GRIP1: variants seen among roughly 807,000 people sequenced by gnomAD.
GRIP1 encodes glutamate receptor-interacting protein 1.
Under a neutral mutation model 129.9 loss-of-function variants are expected in GRIP1, and 45 were observed. The observed-to-expected ratio is 0.35, with a 90% CI of 0.27 to 0.44. The LOEUF (loss-of-function observed/expected upper bound fraction) is 0.44. Among genes scored for constraint, GRIP1 ranks in the 20% least tolerant of loss-of-function variants. GRIP1 has a pLI of 1.00. For synonymous variants in GRIP1, 530 were observed against 520.8 expected, an observed-to-expected ratio of 1.02 and a Z score of -0.24; for missense variants, 1,196 against 1,396.8, an observed-to-expected ratio of 0.86 and a Z score of 2.29.
At chr12:66,905,675 A>G (rs1387053291) in intron 1 of GRIP1, among the ~76,000 whole-genome samples, 1 of 152,220 alleles carries the variant, frequency 6.6e-6, no homozygotes, top group Non-Finnish European at 1.5e-5. Context: ...TTGAATTTTC[A>G]GCTGATTAGA....
chr12:66,917,669 T>A (rs1034553952), intron 1 of GRIP1, among the ~76,000 whole-genome samples: 1 of 152,220 alleles, frequency 6.6e-6, no homozygotes, highest in Non-Finnish European at 1.5e-5. Flanking sequence ...TTTACTGCAT[T>A]AATTTCAATC....
At chr12:67,050,029 G>A (rs2043317296) in intron 1 of GRIP1, among the ~76,000 whole-genome samples, 1 of 144,234 alleles carries the variant, frequency 6.9e-6, no homozygotes, top group South Asian at 2.2e-4. Context: ...TTCCTGGGGT[G>A]ATTTTTTCAT....
intron 1 of GRIP1, among the ~76,000 whole-genome samples, chr12:66,839,819 C>A (rs566926872): frequency 2.0e-5 from 3 of 152,338 alleles, no homozygotes; most frequent in Admixed American, 1.3e-4. Context: ...CTGTGCAAGG[C>A]ACTCTGCTAA....
intron 1 of GRIP1, among the ~76,000 whole-genome samples, chr12:66,760,995 A>G (rs932094968): frequency 1.8e-4 from 27 of 152,218 alleles, no homozygotes; most frequent in African/African-American, 6.3e-4. Flanking sequence ...ACAGCATAGC[A>G]TGTCACCACA....
intron 23 of GRIP1, among the ~76,000 whole-genome samples, chr12:66,356,768 C>T (rs1311244622): frequency 2.6e-5 from 4 of 152,192 alleles, no homozygotes; most frequent in Non-Finnish European, 4.4e-5. Context: ...TCATAAACTC[C>T]ACATCATTAA....
chr12:66,751,117 T>C (rs146015074), intron 1 of GRIP1, among the ~76,000 whole-genome samples: 1 of 152,316 alleles, frequency 6.6e-6, no homozygotes, highest in East Asian at 1.9e-4. Context: ...GAAAGAATTG[T>C]AAATGCAGCT....
At chr12:66,810,741 ATACT>A (rs761894033) in intron 1 of GRIP1, among the ~76,000 whole-genome samples, 28 of 152,324 alleles carry the variant, frequency 1.8e-4, no homozygotes, top group Non-Finnish European at 3.4e-4. Flanking sequence ...ACAGAAAAAA[ATACT>A]TACTATGTTT....
At chr12:66,812,513 A>G (rs936935551) in intron 1 of GRIP1, among the ~76,000 whole-genome samples, 1 of 152,210 alleles carries the variant, frequency 6.6e-6, no homozygotes, top group South Asian at 2.1e-4. Flanking sequence ...TGTTCTTCAC[A>G]CACATAATTA....
intron 1 of GRIP1, among the ~76,000 whole-genome samples, chr12:66,923,794 T>G (rs2137371863): frequency 6.6e-6 from 1 of 152,302 alleles, no homozygotes; most frequent in African/African-American, 2.4e-5. Context: ...AATTGTTGTA[T>G]TTATACTCCC....
intron 15 of GRIP1, among the ~76,000 whole-genome samples, chr12:66,407,209 T>C (rs2057223494): frequency 6.6e-6 from 1 of 151,954 alleles, no homozygotes; most frequent in South Asian, 2.1e-4. Context: ...TAAAAATGCA[T>C]GCCCCAGACT....
At chr12:66,976,638 T>C (rs529490655) in intron 1 of GRIP1, among the ~76,000 whole-genome samples, 1 of 152,258 alleles carries the variant, frequency 6.6e-6, no homozygotes, top group South Asian at 2.1e-4. Context: ...TAAAGCAAAA[T>C]CTACACTCCT....
chr12:66,516,334 C>T (rs2060843382), intron 6 of GRIP1, among the ~76,000 whole-genome samples: 2 of 152,108 alleles, frequency 1.3e-5, no homozygotes, highest in African/African-American at 4.8e-5. Context: ...ACCACAGACA[C>T]TCAAGGCATT....
At chr12:66,462,550 CTT>C in intron 9 of GRIP1, among the ~76,000 whole-genome samples, 1 of 152,014 alleles carries the variant, frequency 6.6e-6, no homozygotes, top group Non-Finnish European at 1.5e-5. Flanking sequence ...AGAAAAAAGA[CTT>C]TGGAAGATGA....
At chr12:66,382,931 T>A (rs1167156993) in intron 19 of GRIP1, among the ~76,000 whole-genome samples, 2 of 151,898 alleles carry the variant, frequency 1.3e-5, no homozygotes, top group African/African-American at 4.8e-5. Context: ...TCATGAAGGG[T>A]GCCAAAGGAA....
intron 3 of GRIP1, among the ~76,000 whole-genome samples, chr12:66,539,545 C>T (rs796737843): frequency 0.036 from 2,144 of 59,344 alleles, 102 homozygotes; most frequent in African/African-American, 0.13. Flanking sequence ...TCAAGAGAAG[C>T]TTTTTTTTTT....
chr12:66,883,511 G>C (rs1435556648), intron 1 of GRIP1, among the ~76,000 whole-genome samples: 1 of 152,124 alleles, frequency 6.6e-6, no homozygotes, highest in Non-Finnish European at 1.5e-5. Context: ...TTCATGGAAG[G>C]CTGCCCCTTC....
intron 4 of GRIP1, among the ~76,000 whole-genome samples, chr12:66,538,275 C>T (rs1048967910): frequency 6.6e-6 from 1 of 151,464 alleles, no homozygotes; most frequent in Non-Finnish European, 1.5e-5. Flanking sequence ...TCATAGCTCA[C>T]TGCAGCCTCG....
chr12:66,703,136 A>G (rs903663947), intron 1 of GRIP1, among the ~76,000 whole-genome samples: 1 of 152,148 alleles, frequency 6.6e-6, no homozygotes, highest in African/African-American at 2.4e-5. Context: ...GGTTCTAGGC[A>G]TCAGCAAAGA....
intron 1 of GRIP1, among the ~76,000 whole-genome samples, chr12:66,633,800 T>G (rs1190432830): frequency 6.6e-6 from 1 of 152,202 alleles, no homozygotes; most frequent in Non-Finnish European, 1.5e-5. Flanking sequence ...AAGCAATTTC[T>G]GGCTTCACTC....
Sources: allele counts gnomAD v4.1 joint callset (sites outside exome capture counted in the v4.1 genomes callset), GRCh38; gene constraint gnomAD v4.1.1; transcripts MANE v1.5; gene names NCBI Gene and HGNC (gene_info 2026-07-23, HGNC 2026-07-21).